The following SLC39A9 variants were observed in gnomAD, a reference collection of about 807,000 sequenced individuals.
SLC39A9 encodes solute carrier family 39 member 9, also known as zinc transporter ZIP9.
SLC39A9 carries 14 observed loss-of-function variants against 28.4 expected under a neutral mutation model. The ratio of observed to expected loss-of-function variants is 0.49; its 90% CI spans 0.33 to 0.77. SLC39A9 has a LOEUF of 0.77. Ranked by LOEUF, SLC39A9 falls within the 30% of genes least tolerant of loss-of-function variation. The pLI is 0.02. For missense variants in SLC39A9, 283 were observed against 381.1 expected, an observed-to-expected ratio of 0.74 and a Z score of 2.14; for synonymous variants, 119 against 149.6, an observed-to-expected ratio of 0.80 and a Z score of 1.49.
intron 3 of SLC39A9, among the ~76,000 whole-genome samples, chr14:69,446,913 C>A: frequency 7.1e-6 from 1 of 140,734 alleles, no homozygotes; most frequent in Non-Finnish European, 1.5e-5. Flanking sequence ...AAATGGGAAT[C>A]CATGAGCCCA....
chr14:69,434,810 T>C (rs1884666756), intron 2 of SLC39A9, among the ~76,000 whole-genome samples: 1 of 152,242 alleles, frequency 6.6e-6, no homozygotes, highest in Non-Finnish European at 1.5e-5. Flanking sequence ...ACTTCCTCTT[T>C]TACCCGTGTG....
At chr14:69,455,453 A>G (rs1368825283) in intron 5 of SLC39A9, among the ~76,000 whole-genome samples, 3 of 151,948 alleles carry the variant, frequency 2.0e-5, no homozygotes, top group African/African-American at 7.3e-5. Context: ...CAGCCTCCCA[A>G]GTAGCTGGGA....
chr14:69,451,172 T>C (rs1411535118), intron 3 of SLC39A9, among the ~76,000 whole-genome samples: 3 of 152,212 alleles, frequency 2.0e-5, no homozygotes, highest in Non-Finnish European at 4.4e-5. Flanking sequence ...TGGCGCAGAG[T>C]GATTAGGGTC....
chr14:69,439,948 C>T (rs956635684), intron 2 of SLC39A9, among the ~76,000 whole-genome samples: 5 of 151,996 alleles, frequency 3.3e-5, no homozygotes, highest in Non-Finnish European at 5.9e-5. Context: ...GCCCTGAAGC[C>T]GGGGTAATTT....
chr14:69,455,220 C>G (rs916220845), intron 5 of SLC39A9, among the ~76,000 whole-genome samples: 4 of 152,132 alleles, frequency 2.6e-5, no homozygotes, highest in Admixed American at 1.3e-4. Flanking sequence ...AAGAAACACA[C>G]AAATAGGATC....
chr14:69,404,751 C>G (rs919447115), intron 1 of SLC39A9, among the ~76,000 whole-genome samples: 17 of 152,152 alleles, frequency 1.1e-4, no homozygotes, highest in Non-Finnish European at 2.2e-4. Context: ...TCTACCCTCC[C>G]TGCTTTATAC....
chr14:69,401,778 GT>G (rs1882647515), intron 1 of SLC39A9, among the ~76,000 whole-genome samples: 1 of 152,104 alleles, frequency 6.6e-6, no homozygotes, highest in Non-Finnish European at 1.5e-5. Flanking sequence ...CATAATATCT[GT>G]TTATTATTAG....
rs1016972205 is a variant in SLC39A9, at chr14:69,457,183, TAC to T, written c.694-1158_694-1157del. Among the ~76,000 whole-genome samples the T allele has an allele frequency of 3.0e-3, 450 of 151,566 alleles. 2 individuals carry two copies. Among genetic ancestry groups the T allele is most frequent in the African/African-American group, 0.01 (423 of 41,372 alleles). On this transcript the variant is annotated intron_variant, in intron 6 of 6. Coordinates refer to ENST00000336643, the MANE Select transcript of SLC39A9 (RefSeq NM_018375.5). ...TTAGCTTATGAGATATACATATATATACACACACACACACACACACACATTTT... is the reference window on the plus strand; with the variant it reads ...TTAGCTTATGAGATATACATATATATACACACACACACACACACACATTTT...
chr14:69,401,780 T>C (rs1196905252), intron 1 of SLC39A9, among the ~76,000 whole-genome samples: 1 of 152,182 alleles, frequency 6.6e-6, no homozygotes, highest in Non-Finnish European at 1.5e-5. Context: ...TAATATCTGT[T>C]TATTATTAGA....
chr14:69,410,358 C>CT (rs199513564), intron 1 of SLC39A9, among the ~76,000 whole-genome samples: 1,989 of 151,950 alleles, frequency 0.013, 24 homozygotes, highest in South Asian at 0.052. Context: ...TGCTTAGAAG[C>CT]TTTTTTTTGC....
chr14:69,422,839 G>A (rs1209725618), intron 1 of SLC39A9, among the ~76,000 whole-genome samples: 1 of 152,000 alleles, frequency 6.6e-6, no homozygotes, highest in African/African-American at 2.4e-5. Context: ...CCACCTAGTT[G>A]TAGTTTTTAA....
chr14:69,421,413 C>T (rs192875525), intron 1 of SLC39A9, among the ~76,000 whole-genome samples: 53 of 152,268 alleles, frequency 3.5e-4, no homozygotes, highest in African/African-American at 1.2e-3. Flanking sequence ...AGTTGTCAGT[C>T]GGCACCTACC....
chr14:69,440,481 G>A (rs1320644781), intron 2 of SLC39A9, among the ~76,000 whole-genome samples: 1 of 151,962 alleles, frequency 6.6e-6, no homozygotes, highest in South Asian at 2.1e-4. Flanking sequence ...GATTCTTGGG[G>A]GACTGAGGTA....
At chr14:69,416,861 T>C (rs1883605586) in intron 1 of SLC39A9, among the ~76,000 whole-genome samples, 2 of 152,250 alleles carry the variant, frequency 1.3e-5, no homozygotes, top group Non-Finnish European at 2.9e-5. Flanking sequence ...CTTTGTAGAT[T>C]CTGGATATTA....
intron 6 of SLC39A9, among the ~76,000 whole-genome samples, chr14:69,458,147 A>C (rs1248329409): frequency 6.6e-6 from 1 of 152,208 alleles, no homozygotes; most frequent in Non-Finnish European, 1.5e-5. Flanking sequence ...ATTTACAATA[A>C]ATTTTTTAAA....
chr14:69,451,210 A>G (rs1885595381), intron 3 of SLC39A9, among the ~76,000 whole-genome samples: 1 of 152,222 alleles, frequency 6.6e-6, no homozygotes, highest in Admixed American at 6.5e-5. Context: ...GCAGTGTTTT[A>G]ATAGGAAAAT....
At chr14:69,434,737 A>G (rs1053256676) in intron 2 of SLC39A9, among the ~76,000 whole-genome samples, 2 of 152,094 alleles carry the variant, frequency 1.3e-5, no homozygotes, top group East Asian at 1.9e-4. Context: ...TTGCATCTCA[A>G]AATTTTAGTG....
At chr14:69,436,068 T>C (rs1884733896) in intron 2 of SLC39A9, among the ~76,000 whole-genome samples, 1 of 152,164 alleles carries the variant, frequency 6.6e-6, no homozygotes, top group Admixed American at 6.6e-5. Context: ...TTTTTATAAG[T>C]GTCTGTTTCT....
chr14:69,412,320 CGGAGCTTGCAGTGAGCCAA>C (rs1352180383), intron 1 of SLC39A9, among the ~76,000 whole-genome samples: 15 of 151,206 alleles, frequency 9.9e-5, no homozygotes, highest in Non-Finnish European at 1.0e-4. Context: ...ACCCGGGAGG[CGGAGCTTGCAGTGAGCCAA>C]GATCACGCCA....
Sources: allele counts gnomAD v4.1 joint callset (sites outside exome capture counted in the v4.1 genomes callset), GRCh38; gene constraint gnomAD v4.1.1; transcripts MANE v1.5; gene names NCBI Gene and HGNC (gene_info 2026-07-23, HGNC 2026-07-21).